Variants in DISP3 observed in about 807,000 individuals in gnomAD.
The protein encoded by DISP3 is protein dispatched homolog 3.
DISP3 carries 101 observed loss-of-function variants against 135.3 expected under a neutral mutation model. The ratio of observed to expected loss-of-function variants is 0.75; its 90% confidence interval spans 0.64 to 0.88. The LOEUF (loss-of-function observed/expected upper bound fraction) is 0.88. DISP3 is among the 40% of genes least tolerant of loss of function. DISP3 has a pLI of 0.00. For missense variants in DISP3, 1,713 were observed against 1,878.6 expected (o/e 0.91, Z 1.63); for synonymous variants, 856 against 817.0 (o/e 1.05, Z -0.81).
chr1:11,486,519 G>C (rs1641039573), intron 1 of DISP3, among the ~76,000 whole-genome samples: 2 of 152,286 alleles, frequency 1.3e-5, no homozygotes, highest in East Asian at 1.9e-4. Context: ...GAGACTTCCA[G>C]CAGATGATCC....
intron 1 of DISP3, among the ~76,000 whole-genome samples, chr1:11,495,952 T>C (rs781344228): frequency 2.0e-5 from 3 of 152,244 alleles, no homozygotes; most frequent in African/African-American, 4.8e-5. Context: ...ATATTCTATT[T>C]TTAAATAACA....
intron 1 of DISP3, among the ~76,000 whole-genome samples, chr1:11,482,625 T>G (rs1640931830): frequency 1.3e-5 from 2 of 152,114 alleles, no homozygotes; most frequent in South Asian, 4.1e-4. Flanking sequence ...ATGTTAGCAT[T>G]GTTAAAATCG....
intron 10 of DISP3, among the ~76,000 whole-genome samples, chr1:11,523,525 CAG>C (rs983955378): frequency 4.6e-5 from 6 of 131,312 alleles, no homozygotes; most frequent in Admixed American, 8.0e-5. Flanking sequence ...CAGAGTGGCA[CAG>C]AGAGGGCGAG....
At chr1:11,533,745 A>ACGCACACACACACGCACG (rs1557623923) in intron 17 of DISP3, 2 of 275,390 alleles carry the variant, frequency 7.3e-6, no homozygotes, top group Non-Finnish European at 1.3e-5. Flanking sequence ...ATGCACACAC[A>ACGCACACACACACGCACG]CACGCAGACC....
Position 11,501,382 on chromosome 1 carries a change from T to A in DISP3, c.390T>A (p.Phe130Leu). 6.2e-7 allele frequency: 1 copy of A among 1,608,782 alleles called. No homozygotes were observed. Among genetic ancestry groups the A allele is most frequent in the Non-Finnish European group, 8.5e-7 (1 of 1,177,358 alleles). ...DALTLALKSQ[F>L]GSWGRNRRDL... ...TCACTCTGGCGCTTAAGTCCCAGTT[T>A]GGATCCTGGGGGCGGAACCGGCGCG... Residue 130 changes from phenylalanine (F) to leucine (L), a missense_variant, in exon 2 of 21, where the codon TTT (phenylalanine) becomes TTA (leucine). Physicochemically the swap from Phe to Leu is conservative, Grantham distance 22. Transcript: ENST00000294484. This position sits in a 1 kb window ranked among gnomAD's most constrained non-coding sequence, Gnocchi z 4.9.
chr1:11,488,637 CTGTGTGTGTGTG>C (rs5772457), intron 1 of DISP3, among the ~76,000 whole-genome samples: 14 of 146,328 alleles, frequency 9.6e-5, no homozygotes, highest in Admixed American at 8.8e-4. Context: ...GGCAGATGCT[CTGTGTGTGTGTG>C]TGTGTGTGTG....
Position 11,502,969 on chromosome 1 carries a change from C to A in DISP3, c.1316+72C>A, listed in dbSNP as rs1043056323. ...TCCAATTGCCTCTTACTCTTAAACC[C>A]CATATCCCTTTCCCTATAATCTTTT... On this transcript the variant is annotated intron_variant, in intron 3 of 20. Transcript: ENST00000294484. The A allele has an allele frequency of 1.7e-5, 22 of 1,286,846 alleles. No individual in the cohort carries two copies. In the African/African-American group the frequency reaches 3.0e-4, roughly 17 times the overall value. 79.7% of individuals were successfully genotyped at this position (1,286,846 alleles called of 1,614,324 possible).
chr1:11,492,495 C>T (rs189849812), intron 1 of DISP3, among the ~76,000 whole-genome samples: 3 of 152,302 alleles, frequency 2.0e-5, no homozygotes, highest in African/African-American at 7.2e-5. Context: ...TGCAGCCTGA[C>T]CTTCTCTGAG....
intron 1 of DISP3, among the ~76,000 whole-genome samples, chr1:11,489,203 C>G (rs1381172642): frequency 6.6e-6 from 1 of 152,234 alleles, no homozygotes; most frequent in East Asian, 1.9e-4. Context: ...GAGCTCCATC[C>G]CGAGTGCCTC....
At chr1:11,515,266 T>G in intron 4 of DISP3, 103 bp from the exon 5 acceptor site, 1 of 1,439,516 alleles carries the variant, frequency 6.9e-7, no homozygotes. Context: ...GTGACCAGGG[T>G]TGGGGAGAAG....
In DISP3 at chr1:11,537,003, C is replaced by T; in HGVS notation, c.*317C>T. ...GGTTATTTTTGTAGGGGGTCTCCCTCTCACACTGCCTCAGTGCTCACAACC... is the reference window on the plus strand; with the variant it reads ...GGTTATTTTTGTAGGGGGTCTCCCTTTCACACTGCCTCAGTGCTCACAACC... On this transcript the variant is annotated 3_prime_UTR_variant, in exon 21 of 21. Coordinates refer to ENST00000294484, the MANE Select transcript of DISP3 (RefSeq NM_020780.2). The T allele has an allele frequency of 2.7e-6, 1 of 364,664 alleles. No individual in the cohort carries two copies. The highest frequency in any genetic ancestry group is 5.0e-6 in the Non-Finnish European group (1 of 199,228). The allele number at this position is 364,664 out of a possible 1,614,324, so 22.6% of individuals were successfully genotyped here.
Position 11,501,540 on chromosome 1 carries a change from CA to C in DISP3, c.549del (p.Gly184AlafsTer43). 1 of 1,594,188 alleles carries C rather than the reference CA, an allele frequency of 6.3e-7. No individual in the cohort carries two copies. The highest frequency in any genetic ancestry group is 8.6e-7 in the Non-Finnish European group (1 of 1,169,434). On this transcript the variant is annotated frameshift_variant, in exon 2 of 21. Coordinates refer to ENST00000294484, the MANE Select transcript of DISP3 (RefSeq NM_020780.2). LOFTEE classifies it high-confidence loss of function. This position sits in a 1 kb window ranked among gnomAD's most constrained non-coding sequence, Gnocchi z 4.9. Reference sequence around the variant, plus strand: ...ATCCCCGCGGCCTCACTCGGTGGCCCAGGCCCTTACCGGGACACTTCCGCGG... The same window carrying C: ...ATCCCCGCGGCCTCACTCGGTGGCCCGGCCCTTACCGGGACACTTCCGCGG... Reference protein sequence around the residue: ...RVIPAASLGGPGPYRDTSAAQ... With the variant: ...RVIPAASLGGXGPYRDTSAAQ...
rs1353356448 is a variant in DISP3, at chr1:11,501,629, C to T, written c.637C>T (p.Leu213=). 7 of 1,608,486 alleles carry T rather than the reference C, an allele frequency of 4.4e-6. No homozygotes were observed. In the African/African-American group the frequency reaches 8.0e-5, roughly 18 times the overall value. The change falls in exon 2 of 21, where the codon CTG becomes TTG. Residue 213 remains leucine, a synonymous_variant. Coordinates refer to ENST00000294484, the MANE Select transcript of DISP3 (RefSeq NM_020780.2). This position sits in a 1 kb window ranked among gnomAD's most constrained non-coding sequence, Gnocchi z 4.9. ...GCGTGAGACCCCGCCCCTGGAGGAT[C>T]TGGCAGCCAACCAGAGTGAAGACCC... ...LRRETPPLED[L]AANQSEDPRN...
rs987516545 is a variant in DISP3 at position 11,491,919 on chromosome 1, G to A, written c.-3-9071G>A. On this transcript the variant is annotated intron_variant, in intron 1 of 20. Coordinates refer to ENST00000294484, the MANE Select transcript of DISP3 (RefSeq NM_020780.2). This position sits in a 1 kb window ranked among gnomAD's most constrained non-coding sequence, Gnocchi z 4.3. ...GGGCGGATCACGAGGTCAGGAGATCGAGACCATCCCGGCTAAAACGGTGAA... is the reference window on the plus strand; with the variant it reads ...GGGCGGATCACGAGGTCAGGAGATCAAGACCATCCCGGCTAAAACGGTGAA... 5.9e-5 allele frequency among the ~76,000 whole-genome samples: 9 copies of A among 151,462 alleles called. No individual in the cohort carries two copies. Among genetic ancestry groups the A allele is most frequent in the African/African-American group, 9.7e-5 (4 of 41,148 alleles).
chr1:11,502,547 G>A, intron 2 of DISP3, 131 bp from the exon 3 acceptor site: 1 of 714,814 alleles, frequency 1.4e-6, no homozygotes, highest in East Asian at 2.7e-5. Flanking sequence ...GGGGCCTGGG[G>A]TGGAGTTTTG....
chr1:11,536,918 T>G lies in DISP3; in HGVS notation c.*232T>G. ...CGGGCTACTGGCAGCCACACTCGGC[T>G]TTTTGCCCAGTGGCAGAAGAGACCA... On this transcript the variant is annotated 3_prime_UTR_variant, in exon 21 of 21. Coordinates refer to ENST00000294484, the MANE Select transcript of DISP3 (RefSeq NM_020780.2). The surrounding 1 kb of genome is among the most constrained non-coding windows in gnomAD (Gnocchi z 4.3). 1 of 606,934 alleles carries G rather than the reference T, an allele frequency of 1.6e-6. No individual in the cohort carries two copies. The highest frequency in any genetic ancestry group is 2.9e-5 in the East Asian group (1 of 34,188). The allele number at this position is 606,934 out of a possible 1,614,324, so 37.6% of individuals were successfully genotyped here.
chr1:11,502,725 G>C lies in DISP3; in HGVS notation c.1144G>C (p.Asp382His). Residue 382 changes from aspartate to histidine, a missense_variant, in exon 3 of 21, where the codon GAT becomes CAT. By Grantham distance (81) the Asp-to-His change is moderately conservative (BLOSUM62 -1). Around this residue, in one of 2 missense-constraint regions of DISP3, gnomAD observed 1,142 missense variants for 1,384.6 expected, o/e 0.82. Coordinates refer to ENST00000294484, the MANE Select transcript of DISP3 (RefSeq NM_020780.2). ...TCACCCTGAGTTCTACTGGTATGTG[G>C]ATGAGGGCCTCTCTGCAGACAATCT... ...MTHPEFYWYV[D>H]EGLSADNLKS... 6.2e-7 allele frequency: 1 copy of C among 1,614,194 alleles called. No individual in the cohort carries two copies. Among genetic ancestry groups the C allele is most frequent in the Non-Finnish European group, 8.5e-7 (1 of 1,180,034 alleles).
At position 11,536,720 on chromosome 1, in the gene DISP3, T is replaced by G; in HGVS notation, c.*34T>G. ...GGGCTCTGGACACTTGCACCTTTGG[T>G]CCCATGGGTGGGGGACAGGAGCTGC... is the stretch of plus-strand genomic sequence containing the variant. On this transcript the variant is annotated 3_prime_UTR_variant, in exon 21 of 21. Coordinates refer to ENST00000294484, the MANE Select transcript of DISP3 (RefSeq NM_020780.2). The surrounding 1 kb of genome is among the most constrained non-coding windows in gnomAD (Gnocchi z 4.3). The G allele has an allele frequency of 6.7e-7, 1 of 1,490,102 alleles. No individual in the cohort carries two copies. Among genetic ancestry groups the G allele is most frequent in the Non-Finnish European group, 8.9e-7 (1 of 1,121,940 alleles). 92.3% of individuals were successfully genotyped at this position (1,490,102 alleles called of 1,614,324 possible).
At chr1:11,481,407 A>G (rs965773010) in intron 1 of DISP3, 1 of 152,218 alleles carries the variant, frequency 6.6e-6, no homozygotes, top group Non-Finnish European at 1.5e-5. Flanking sequence ...CTTTGGGTGA[A>G]GCATTCTGGA....
Sources: allele counts gnomAD v4.1 joint callset (sites outside exome capture counted in the v4.1 genomes callset), GRCh38; gene constraint gnomAD v4.1.1; regional missense constraint gnomAD v4.1.1; non-coding constraint Gnocchi (gnomAD v3.1); transcripts MANE v1.5; gene names NCBI Gene and HGNC (gene_info 2026-07-23, HGNC 2026-07-21).